The following RBFOX1 variants were observed in gnomAD, a reference collection of about 807,000 sequenced individuals.
RBFOX1 encodes RNA binding fox-1 homolog 1.
RBFOX1 carries 8 observed loss-of-function variants against 57.7 expected under a neutral mutation model. The ratio of observed to expected loss-of-function variants is 0.14; its 90% CI spans 0.08 to 0.25. RBFOX1 has a LOEUF of 0.25. Ranked by LOEUF, RBFOX1 falls within the 10% of genes least tolerant of loss-of-function variation. The probability of loss-of-function intolerance (pLI) is 1.00; values close to 1 mark genes in which losing one functional copy is unlikely to be tolerated. For missense variants in RBFOX1, 611 were observed against 548.5 expected (o/e 1.11, Z -1.14); for synonymous variants, 326 against 222.4 (o/e 1.47, Z -4.15).
At chr16:6,341,406 C>T (rs1386024468) in intron 2 of RBFOX1, among the ~76,000 whole-genome samples, 3 of 152,020 alleles carry the variant, frequency 2.0e-5, no homozygotes, top group Non-Finnish European at 4.4e-5. Context: ...TTGAGACTTC[C>T]TGGGCGGCAT....
chr16:6,507,522 A>AAAAAG (rs1555511344), intron 2 of RBFOX1, among the ~76,000 whole-genome samples: 10 of 151,312 alleles, frequency 6.6e-5, no homozygotes, highest in Non-Finnish European at 1.5e-4. Flanking sequence ...AAAAAAAAAA[A>AAAAAG]AAAGCCTGGC....
At chr16:6,362,580 A>G (rs1467813816) in intron 2 of RBFOX1, among the ~76,000 whole-genome samples, 1 of 152,204 alleles carries the variant, frequency 6.6e-6, no homozygotes, top group African/African-American at 2.4e-5. Flanking sequence ...TTTCTGTTAC[A>G]ACGTGCAAAT....
intron 4 of RBFOX1, among the ~76,000 whole-genome samples, chr16:7,413,229 C>T (rs749195337): frequency 2.6e-5 from 4 of 152,066 alleles, no homozygotes; most frequent in African/African-American, 9.7e-5. Flanking sequence ...ACATCACTAC[C>T]CAGAAGCATT....
intron 3 of RBFOX1, among the ~76,000 whole-genome samples, chr16:6,908,526 T>A (rs538768621): frequency 6.6e-6 from 1 of 152,202 alleles, no homozygotes; most frequent in Non-Finnish European, 1.5e-5. Flanking sequence ...AACTCACTTA[T>A]CAGGTTCACC....
intron 14 of RBFOX1, among the ~76,000 whole-genome samples, chr16:7,703,675 T>A (rs1053160272): frequency 3.3e-5 from 5 of 152,232 alleles, no homozygotes; most frequent in Non-Finnish European, 5.9e-5. Context: ...TACATAGTAC[T>A]TCTTGCTAAC....
At chr16:7,220,692 T>C (rs1372795461) in intron 4 of RBFOX1, among the ~76,000 whole-genome samples, 1 of 152,202 alleles carries the variant, frequency 6.6e-6, no homozygotes, top group Non-Finnish European at 1.5e-5. Flanking sequence ...ATTTCTCTGA[T>C]TGTGATCTGT....
At chr16:6,357,381 C>T (rs1329538118) in intron 2 of RBFOX1, among the ~76,000 whole-genome samples, 2 of 151,934 alleles carry the variant, frequency 1.3e-5, no homozygotes, top group East Asian at 3.9e-4. Context: ...TATGCTTCTC[C>T]CCATTCAATT....
intron 2 of RBFOX1, among the ~76,000 whole-genome samples, chr16:6,570,197 T>C (rs1046684832): frequency 1.3e-5 from 2 of 152,210 alleles, no homozygotes; most frequent in Admixed American, 1.3e-4. Flanking sequence ...CACGATTTCA[T>C]TGACCATGGA....
intron 2 of RBFOX1, among the ~76,000 whole-genome samples, chr16:5,493,168 T>C (rs2042890528): frequency 6.6e-6 from 1 of 152,254 alleles, no homozygotes; most frequent in Admixed American, 6.5e-5. Flanking sequence ...TTCTTGAAAC[T>C]CAGATCCCGA....
intron 4 of RBFOX1, among the ~76,000 whole-genome samples, chr16:7,497,963 A>G (rs1384825628): frequency 6.6e-6 from 1 of 152,232 alleles, no homozygotes; most frequent in East Asian, 1.9e-4. Context: ...TTTCACACAG[A>G]GTAAAAACAA....
rs546494013 is a variant in RBFOX1 at position 6,844,618 on chromosome 16, G to C, written c.-16+189968G>C. ...GCATTTAGGTTGAGTCCTTGTCTTT[G>C]CTATCGTGAATAGTGCTGCAATTAA... On this transcript the variant is annotated intron_variant, in intron 3 of 15. Coordinates refer to ENST00000550418, the MANE Select transcript of RBFOX1 (RefSeq NM_018723.4). Among the ~76,000 whole-genome samples, 4 of 151,938 alleles carry C rather than the reference G, an allele frequency of 2.6e-5. No homozygotes were observed. In the East Asian group the frequency reaches 7.7e-4, roughly 29 times the overall value.
At position 5,378,195 on chromosome 16, in the gene RBFOX1, C is replaced by T. The variant is rs74003899; in HGVS notation, c.220-89021C>T. Among the ~76,000 whole-genome samples, 3 of 151,422 alleles carry T rather than the reference C, an allele frequency of 2.0e-5. No homozygotes were observed. In the South Asian group the frequency reaches 6.2e-4, roughly 31 times the overall value. On this transcript the variant is annotated intron_variant, in intron 1 of 2. Transcript: ENST00000585867. ...CTGGAATATTCAGCAACAGCTTCTCCTTGGGAAGTAGGGTCACCAGCTGTT... is the reference window on the plus strand; with the variant it reads ...CTGGAATATTCAGCAACAGCTTCTCTTTGGGAAGTAGGGTCACCAGCTGTT...
chr16:5,726,658 T>C (rs1410045706), intron 3 of RBFOX1, among the ~76,000 whole-genome samples: 2 of 152,248 alleles, frequency 1.3e-5, no homozygotes, highest in Non-Finnish European at 2.9e-5. Context: ...TATTATGTTA[T>C]GATCAAGGCT....
At chr16:7,522,387 G>A (rs2077705013) in intron 5 of RBFOX1, among the ~76,000 whole-genome samples, 1 of 152,202 alleles carries the variant, frequency 6.6e-6, no homozygotes. Flanking sequence ...TCAACCAGTT[G>A]AATGTTGGGC....
At chr16:5,890,528 C>T (rs573067273) in intron 4 of RBFOX1, among the ~76,000 whole-genome samples, 2 of 151,848 alleles carry the variant, frequency 1.3e-5, no homozygotes, top group African/African-American at 4.8e-5. Flanking sequence ...GAAATTTTGT[C>T]TCTACTGAAA....
rs534964668 is a variant in RBFOX1, at chr16:6,589,367, G to A, written c.-63-65236G>A. 2.6e-5 allele frequency among the ~76,000 whole-genome samples: 4 copies of A among 152,246 alleles called. No individual in the cohort carries two copies. The South Asian group carries it at 8.3e-4, about 32-fold the overall frequency. ...TGTTATTACTCAAATTAGTCTCCCT[G>A]AAAACCCAGGAACTGGGGTTTTTCA... On this transcript the variant is annotated intron_variant, in intron 2 of 15. Transcript: ENST00000550418.
chr16:6,166,466 A>G lies in RBFOX1; in HGVS notation c.-127+146474A>G, dbSNP rs187697694. On this transcript the variant is annotated intron_variant, in intron 1 of 15. Coordinates refer to ENST00000550418, the MANE Select transcript of RBFOX1 (RefSeq NM_018723.4). ...TCTCTCTCTTTCTCTCTGACTCTCT[A>G]TTTCTCTCTCCTTCTCCCTCCTTCC... Among the ~76,000 whole-genome samples, 14 of 151,672 alleles carry G rather than the reference A, an allele frequency of 9.2e-5. No individual in the cohort carries two copies. In the East Asian group the frequency reaches 2.5e-3, roughly 27 times the overall value.
In RBFOX1 at chr16:5,417,918, TAAA is replaced by T. The variant is rs879395756; in HGVS notation, c.220-49295_220-49293del. On this transcript the variant is annotated intron_variant, in intron 1 of 2. Transcript: ENST00000585867. ...GAACATAGTGGAACCGCATCTCTACTAAAAATACAAAAATTCGCTGGGTGTTGT... is the reference window on the plus strand; with the variant it reads ...GAACATAGTGGAACCGCATCTCTACTAATACAAAAATTCGCTGGGTGTTGT... Among the ~76,000 whole-genome samples, 77 of 152,210 alleles carry T rather than the reference TAAA, an allele frequency of 5.1e-4. 1 individual carries two copies. Among genetic ancestry groups the T allele is most frequent in the Admixed American group, 1.2e-3 (19 of 15,286 alleles).
chr16:7,597,367 A>C lies in RBFOX1; in HGVS notation c.562-4A>C. ...GTGCTTACTTGAGTTTTCTATGTACATAGGTAAATAATGCCACAGCACGTG... is the reference window on the plus strand; with the variant it reads ...GTGCTTACTTGAGTTTTCTATGTACCTAGGTAAATAATGCCACAGCACGTG... On this transcript the variant is annotated splice_polypyrimidine_tract_variant and splice_region_variant and intron_variant, in intron 8 of 15. Coordinates refer to ENST00000550418, the MANE Select transcript of RBFOX1 (RefSeq NM_018723.4). 1 of 1,607,056 alleles carries C rather than the reference A, an allele frequency of 6.2e-7. No individual in the cohort carries two copies. The highest frequency in any genetic ancestry group is 8.5e-7 in the Non-Finnish European group (1 of 1,175,466).
Sources: allele counts gnomAD v4.1 joint callset (sites outside exome capture counted in the v4.1 genomes callset), GRCh38; gene constraint gnomAD v4.1.1; transcripts MANE v1.5; gene names NCBI Gene and HGNC (gene_info 2026-07-23, HGNC 2026-07-21).